Variants in SBNO1 observed in about 807,000 individuals in gnomAD.
SBNO1 encodes protein strawberry notch homolog 1.
SBNO1 carries 23 observed loss-of-function variants against 173.6 expected under a neutral mutation model. The ratio of observed to expected loss-of-function variants is 0.13; its 90% confidence interval spans 0.10 to 0.19. The LOEUF is 0.19. Ranked by LOEUF, SBNO1 falls within the 10% of genes least tolerant of loss-of-function variation. SBNO1 has a pLI of 1.00. For missense variants in SBNO1, 1,238 were observed against 1,671.2 expected, an observed-to-expected ratio of 0.74 and a Z score of 4.52; for synonymous variants, 632 against 571.5, an observed-to-expected ratio of 1.11 and a Z score of -1.51.
At chr12:123,310,741 G>A (rs1369359372) in intron 25 of SBNO1, among the ~76,000 whole-genome samples, 1 of 151,376 alleles carries the variant, frequency 6.6e-6, no homozygotes, top group Non-Finnish European at 1.5e-5. Flanking sequence ...CATCATATTG[G>A]CCAGGCTGGT....
chr12:123,353,098 T>C (rs1050915796), intron 1 of SBNO1, among the ~76,000 whole-genome samples: 3 of 151,898 alleles, frequency 2.0e-5, no homozygotes, highest in Non-Finnish European at 2.9e-5. Context: ...GCGCCCAGCC[T>C]CCCAAAGGAG....
intron 9 of SBNO1, among the ~76,000 whole-genome samples, 157 bp downstream of exon 9, chr12:123,330,262 C>T (rs1399793760): frequency 6.6e-6 from 1 of 152,154 alleles, no homozygotes; most frequent in Non-Finnish European, 1.5e-5. Context: ...TAGGAATCCA[C>T]AAACCAACAA....
intron 28 of SBNO1, among the ~76,000 whole-genome samples, chr12:123,305,955 A>G (rs1319369056): frequency 6.6e-6 from 1 of 152,232 alleles, no homozygotes; most frequent in Non-Finnish European, 1.5e-5. Context: ...GTTTCAAAGT[A>G]AAACCATTTT....
At chr12:123,362,894 T>C (rs534186842) in intron 1 of SBNO1, among the ~76,000 whole-genome samples, 20 of 150,068 alleles carry the variant, frequency 1.3e-4, no homozygotes, top group Non-Finnish European at 2.7e-4. Context: ...CCTCCCAACA[T>C]GGTGAGACCC....
At chr12:123,342,963 A>C (rs540815765) in intron 4 of SBNO1, among the ~76,000 whole-genome samples, 1 of 152,150 alleles carries the variant, frequency 6.6e-6, no homozygotes, top group Non-Finnish European at 1.5e-5. Context: ...TAAAGTATTA[A>C]CAGGCCAGGT....
intron 3 of SBNO1, 51 bp downstream of exon 3, chr12:123,347,978 C>A: frequency 8.4e-7 from 1 of 1,184,132 alleles, no homozygotes; most frequent in Non-Finnish European, 1.2e-6. Flanking sequence ...TGTTTTCTCA[C>A]TACACTTCTA....
chr12:123,361,740 A>AC (rs1356208485), intron 1 of SBNO1, among the ~76,000 whole-genome samples: 1 of 151,224 alleles, frequency 6.6e-6, no homozygotes, highest in Admixed American at 6.6e-5. Context: ...AAAAAAAAAA[A>AC]AAAAATACAA....
intron 20 of SBNO1, 89 bp downstream of exon 20, chr12:123,319,809 CTT>C (rs1869744146): frequency 2.7e-6 from 3 of 1,101,944 alleles, no homozygotes; most frequent in South Asian, 2.9e-5. Context: ...ATGGACATGA[CTT>C]ATATTAAAAG....
intron 1 of SBNO1, among the ~76,000 whole-genome samples, chr12:123,356,710 T>C (rs1341609944): frequency 2.6e-5 from 4 of 152,254 alleles, no homozygotes; most frequent in Non-Finnish European, 4.4e-5. Flanking sequence ...TCCCACAGTG[T>C]TGGGATTACA....
At chr12:123,318,874 C>T (rs776220751) in intron 20 of SBNO1, among the ~76,000 whole-genome samples, 38 of 151,266 alleles carry the variant, frequency 2.5e-4, no homozygotes, top group Non-Finnish European at 4.6e-4. Flanking sequence ...ACAGTGAAAC[C>T]AAAATTACTA....
rs78678718 is a variant in SBNO1, at chr12:123,354,620, G to A, written c.1-4179C>T. On this transcript the variant is annotated intron_variant, in intron 1 of 31. Transcript: ENST00000602398. ...CACAGAATTTTGGTGCTCAAACTGA[G>A]AGAGCCCTTAAAAACTTGTATTAGC... Among the ~76,000 whole-genome samples, 1,196 of 152,240 alleles carry A rather than the reference G, an allele frequency of 7.9e-3. 6 individuals carry two copies. The highest frequency in any genetic ancestry group is 0.011 in the Non-Finnish European group (745 of 68,024).
intron 24 of SBNO1, among the ~76,000 whole-genome samples, chr12:123,313,021 G>C (rs963518754): frequency 1.3e-5 from 2 of 151,776 alleles, no homozygotes; most frequent in Admixed American, 1.3e-4. Context: ...TGGCCAACAT[G>C]GTGCAACGCC....
intron 7 of SBNO1, 98 bp downstream of exon 7, chr12:123,333,955 A>C (rs1593380760): frequency 1.4e-6 from 1 of 709,714 alleles, no homozygotes; most frequent in East Asian, 3.3e-5. Flanking sequence ...TACATTTACA[A>C]GGTTTTCATA....
In SBNO1 at chr12:123,320,819, T is replaced by G. The variant is rs1422631182; in HGVS notation, c.2371A>C (p.Lys791Gln). 18 of 1,598,376 alleles carry G rather than the reference T, an allele frequency of 1.1e-5. No individual in the cohort carries two copies. Among genetic ancestry groups the G allele is most frequent in the Non-Finnish European group, 1.5e-5 (18 of 1,174,380 alleles). Residue 791 changes from lysine (K) to glutamine (Q), a missense_variant, in exon 18 of 32, where the codon AAG becomes CAG. Physicochemically the swap from Lys to Gln is moderately conservative, Grantham distance 53 (BLOSUM62 1). Around this residue, in one of 14 missense-constraint regions of SBNO1, gnomAD observed 33 missense variants for 29.6 expected, o/e 1.11. Transcript: ENST00000602398. ...GAATCTGGATCTATACTTTTCTTCT[T>G]TTTTTTCTCTTTGTTTTTCTTGTGG... ...KDHKKNKEKK[K>Q]KKSIDPDSIQ...
chr12:123,320,943 A>C (rs971768528), intron 17 of SBNO1, 77 bp from the exon 18 acceptor site: 2 of 1,229,254 alleles, frequency 1.6e-6, no homozygotes, highest in Non-Finnish European at 2.2e-6. Flanking sequence ...CAACCTTTGA[A>C]ATTTTATTTT....
At chr12:123,329,750 A>G (rs1218315606) in intron 9 of SBNO1, among the ~76,000 whole-genome samples, 1 of 152,166 alleles carries the variant, frequency 6.6e-6, no homozygotes, top group Non-Finnish European at 1.5e-5. Context: ...TAGGACTCAC[A>G]TGGGAAGTAG....
chr12:123,300,966 A>G (rs1004155439), intron 30 of SBNO1, among the ~76,000 whole-genome samples: 2 of 146,400 alleles, frequency 1.4e-5, no homozygotes. Context: ...TCTCAAAAAA[A>G]AAACAAAAAA....
chr12:123,300,162 A>C (rs2048737715), intron 30 of SBNO1, among the ~76,000 whole-genome samples: 1 of 152,206 alleles, frequency 6.6e-6, no homozygotes, highest in Non-Finnish European at 1.5e-5. Flanking sequence ...AATCTAATAC[A>C]GTGTTAAATG....
rs187852179 is a variant in SBNO1 at position 123,331,266 on chromosome 12, A to G, written c.1019T>C (p.Leu340Ser). ...TIAGIIYENY[L>S]LSRKRALWFS... is the part of the protein sequence containing the mutation. ...CCACAATGCTCGTTTTCTACTCAACAAATAATTTTCATAGATGATTCCTGC... is the reference window on the plus strand; with the variant it reads ...CCACAATGCTCGTTTTCTACTCAACGAATAATTTTCATAGATGATTCCTGC... The change falls in exon 8 of 32, where the codon TTG becomes TCG. Residue 340 changes from leucine to serine, a missense_variant. Around this residue, in one of 14 missense-constraint regions of SBNO1, gnomAD observed 56 missense variants for 65.1 expected, o/e 0.86. Transcript: ENST00000602398. The G allele has an allele frequency of 6.2e-7, 1 of 1,614,038 alleles. No homozygotes were observed. The highest frequency in any genetic ancestry group is 1.7e-5 in the Admixed American group (1 of 60,002).
Sources: gnomAD v4.1 joint callset for allele counts (sites outside exome capture counted in the v4.1 genomes callset) on GRCh38, gnomAD v4.1.1 for gene constraint, gnomAD v4.1.1 regional missense constraint, MANE v1.5 for transcripts, NCBI Gene and HGNC (gene_info 2026-07-23, HGNC 2026-07-21) for gene names.